FOXN3: variants seen among roughly 807,000 people sequenced by gnomAD.
The protein encoded by FOXN3 is forkhead box N3.
A neutral mutation model predicts 38.4 loss-of-function variants in FOXN3; 7 were observed. The ratio of observed to expected loss-of-function variants is 0.18; its 90% CI spans 0.10 to 0.34. The LOEUF is 0.34. Among genes scored for constraint, FOXN3 ranks in the 10% least tolerant of loss-of-function variants. FOXN3 has a pLI of 1.00. For missense variants in FOXN3, 456 were observed against 613.4 expected, an observed-to-expected ratio of 0.74 and a Z score of 2.71; for synonymous variants, 230 against 242.2, an observed-to-expected ratio of 0.95 and a Z score of 0.47.
rs1021457191 is a variant in FOXN3 at position 89,491,963 on chromosome 14, C to T, written c.-14-79473G>A. On this transcript the variant is annotated intron_variant, in intron 1 of 6. Transcript: ENST00000345097. ...TACAAAAGAGTTAAAATAGCATAGA[C>T]GGGTGTTTTGTTTTGGTTTGTTTCT... is the stretch of plus-strand genomic sequence containing the variant. Among the ~76,000 whole-genome samples, 20 of 152,168 alleles carry T rather than the reference C, an allele frequency of 1.3e-4. No homozygotes were observed. In the East Asian group the frequency reaches 2.1e-3, roughly 16 times the overall value.
chr14:89,418,958 C>A (rs1045046299), upstream of FOXN3, among the ~76,000 whole-genome samples: 1 of 143,484 alleles, frequency 7.0e-6, no homozygotes, highest in South Asian at 2.5e-4. Flanking sequence ...CCCAGCTACA[C>A]TCACACAATA....
rs1361352832 is a variant in FOXN3, at chr14:89,572,416, G to C, written c.-15+46612C>G. On this transcript the variant is annotated intron_variant, in intron 1 of 6. Transcript: ENST00000345097. ...AGAAGAAAAGCTGGCCACTGAAGTT[G>C]ATAAGTTTAGACATGCTCATAGGAA... Among the ~76,000 whole-genome samples, 3 of 152,216 alleles carry C rather than the reference G, an allele frequency of 2.0e-5. No homozygotes were observed. In the East Asian group the frequency reaches 5.8e-4, roughly 29 times the overall value.
chr14:89,169,991 AG>A (rs1887347039), intron 5 of FOXN3, among the ~76,000 whole-genome samples: 1 of 152,230 alleles, frequency 6.6e-6, no homozygotes, highest in Non-Finnish European at 1.5e-5. Context: ...TGTTTGCAAG[AG>A]ACAATCCTAA....
intron 1 of FOXN3, among the ~76,000 whole-genome samples, chr14:89,499,557 T>C (rs1311943472): frequency 1.3e-5 from 2 of 152,176 alleles, no homozygotes; most frequent in Non-Finnish European, 2.9e-5. Flanking sequence ...AACTTTACTT[T>C]ATGCTTAATT....
chr14:89,542,896 C>G (rs1444831358), intron 1 of FOXN3, among the ~76,000 whole-genome samples: 1 of 152,212 alleles, frequency 6.6e-6, no homozygotes, highest in Non-Finnish European at 1.5e-5. Context: ...TGACGCTGGA[C>G]TTAGGCATCA....
chr14:89,321,040 C>T (rs1887880867), intron 3 of FOXN3, among the ~76,000 whole-genome samples: 1 of 152,102 alleles, frequency 6.6e-6, no homozygotes, highest in South Asian at 2.1e-4. Context: ...GTAATCCCAG[C>T]ACTTTGGGAG....
intron 4 of FOXN3, among the ~76,000 whole-genome samples, chr14:89,274,572 C>T (rs1353489627): frequency 2.0e-5 from 3 of 152,056 alleles, no homozygotes; most frequent in African/African-American, 4.8e-5. Context: ...ATTTTACAGG[C>T]AATCAAACCT....
chr14:89,340,030 C>G (rs529948973), intron 3 of FOXN3, among the ~76,000 whole-genome samples: 1 of 151,338 alleles, frequency 6.6e-6, no homozygotes, highest in Non-Finnish European at 1.5e-5. Context: ...ACAGTTAAAA[C>G]AAACAAACAA....
At chr14:89,295,762 A>ATTTTTTTTTT (rs1032063820) in intron 3 of FOXN3, among the ~76,000 whole-genome samples, 107 of 123,212 alleles carry the variant, frequency 8.7e-4, no homozygotes, top group African/African-American at 2.4e-3. Context: ...TAATTTTTGC[A>ATTTTTTTTTT]TTTTTTTTTT....
At chr14:89,219,480 CAT>C (rs1320311970) in intron 4 of FOXN3, among the ~76,000 whole-genome samples, 1 of 152,190 alleles carries the variant, frequency 6.6e-6, no homozygotes, top group Non-Finnish European at 1.5e-5. Flanking sequence ...TGTGTTTGCA[CAT>C]GTGTTCCCAT....
At chr14:89,226,918 G>T (rs1454760479) in intron 4 of FOXN3, among the ~76,000 whole-genome samples, 1 of 152,282 alleles carries the variant, frequency 6.6e-6, no homozygotes, top group South Asian at 2.1e-4. Flanking sequence ...GAGCCTTCGA[G>T]GGGGACACAG....
At chr14:89,534,271 A>G (rs904592858) in intron 1 of FOXN3, among the ~76,000 whole-genome samples, 3 of 151,454 alleles carry the variant, frequency 2.0e-5, no homozygotes, top group African/African-American at 7.3e-5. Context: ...ACACCCAGCT[A>G]GTTTTTATAT....
intron 3 of FOXN3, among the ~76,000 whole-genome samples, chr14:89,343,865 C>CAATT (rs763280789): frequency 5.5e-4 from 84 of 152,214 alleles, no homozygotes; most frequent in Middle Eastern, 6.8e-3. Flanking sequence ...CAGGTTCAAG[C>CAATT]AATTCTCCTG....
chr14:89,549,819 C>G (rs1894965049), intron 1 of FOXN3, among the ~76,000 whole-genome samples: 1 of 152,142 alleles, frequency 6.6e-6, no homozygotes, highest in African/African-American at 2.4e-5. Flanking sequence ...CTGGATGGAG[C>G]CAGTGTTACA....
At chr14:89,549,496 C>A (rs528957859) in intron 1 of FOXN3, among the ~76,000 whole-genome samples, 32 of 152,056 alleles carry the variant, frequency 2.1e-4, no homozygotes, top group Middle Eastern at 6.3e-3. Context: ...CTCTCTGGCC[C>A]CAGGCACTCC....
chr14:89,480,689 G>GA (rs1254529550), intron 1 of FOXN3, among the ~76,000 whole-genome samples: 18 of 152,188 alleles, frequency 1.2e-4, no homozygotes, highest in African/African-American at 4.1e-4. Context: ...ATCATTATTA[G>GA]AATGTTTTAT....
At chr14:89,367,457 G>A (rs763025401) in intron 2 of FOXN3, among the ~76,000 whole-genome samples, 1 of 152,256 alleles carries the variant, frequency 6.6e-6, no homozygotes, top group African/African-American at 2.4e-5. Context: ...CAGTGTTATC[G>A]ATTCCTCCAG....
In FOXN3 at chr14:89,595,300, G is replaced by A. The variant is rs564199034; in HGVS notation, c.-15+23728C>T. Among the ~76,000 whole-genome samples the A allele has an allele frequency of 1.2e-3, 180 of 152,044 alleles. 1 individual carries two copies. Among genetic ancestry groups the A allele is most frequent in the Non-Finnish European group, 1.6e-3 (106 of 67,976 alleles). ...AGATCACGCCACTGCACTCCAGCCTGGGCAATTGAGCGAGATTCCATCTCA... is the reference window on the plus strand; with the variant it reads ...AGATCACGCCACTGCACTCCAGCCTAGGCAATTGAGCGAGATTCCATCTCA... On this transcript the variant is annotated intron_variant, in intron 1 of 6. Coordinates refer to the FOXN3 transcript ENST00000345097.
At chr14:89,259,786 C>G (rs1445860967) in intron 4 of FOXN3, among the ~76,000 whole-genome samples, 1 of 152,232 alleles carries the variant, frequency 6.6e-6, no homozygotes, top group Non-Finnish European at 1.5e-5. Flanking sequence ...ACTCCCCCGA[C>G]AGAAACCTTC....
Sources: gnomAD v4.1 joint callset for allele counts (sites outside exome capture counted in the v4.1 genomes callset) on GRCh38, gnomAD v4.1.1 for gene constraint, MANE v1.5 for transcripts, NCBI Gene and HGNC (gene_info 2026-07-23, HGNC 2026-07-21) for gene names.